MROH1: variants seen among roughly 807,000 people sequenced by gnomAD.
MROH1 encodes the protein maestro heat like repeat family member 1.
In MROH1, 117 loss-of-function variants were observed where a neutral mutation model predicts 116.5. That is an observed-to-expected ratio of 1.00 (90% CI 0.86 to 1.17). The LOEUF is 1.17. MROH1 is among the 50% of genes most tolerant of loss of function. MROH1 has a pLI of 0.00. For synonymous variants in MROH1, 921 were observed against 583.9 expected (o/e 1.58, Z -8.32); for missense variants, 1,873 against 1,338.5 (o/e 1.40, Z -6.23).
chr8:144,175,915 G>A (rs1482525089), intron 4 of MROH1, among the ~76,000 whole-genome samples: 3 of 152,200 alleles, frequency 2.0e-5, no homozygotes, highest in African/African-American at 7.2e-5. Context: ...CAGGCGTGGT[G>A]GCACGCGCCT....
At chr8:144,232,534 C>G (rs1170865108) in intron 14 of MROH1, among the ~76,000 whole-genome samples, 1 of 151,270 alleles carries the variant, frequency 6.6e-6, no homozygotes, top group Non-Finnish European at 1.5e-5. Flanking sequence ...TGCTCTGTCC[C>G]CCGGGCTGGA....
At chr8:144,190,669 G>T in intron 7 of MROH1, 115 bp from the exon 8 acceptor site, 1 of 1,281,436 alleles carries the variant, frequency 7.8e-7, no homozygotes, top group Non-Finnish European at 1.1e-6. Flanking sequence ...TGGTGTTCTA[G>T]GGAGGGCATC....
At chr8:144,211,513 C>A (rs527697882) in intron 12 of MROH1, among the ~76,000 whole-genome samples, 1 of 152,106 alleles carries the variant, frequency 6.6e-6, no homozygotes, top group African/African-American at 2.4e-5. Context: ...ATCACGAGGT[C>A]AGGAGTTCAA....
intron 34 of MROH1, among the ~76,000 whole-genome samples, chr8:144,255,188 A>G (rs1214660119): frequency 1.3e-5 from 2 of 152,242 alleles, no homozygotes; most frequent in Admixed American, 1.3e-4. Flanking sequence ...TCCTGCGGAA[A>G]AAAAATAAAC....
chr8:144,234,498 G>GTTTTTGTTT (rs1839621583), intron 14 of MROH1, among the ~76,000 whole-genome samples: 1 of 18,090 alleles, frequency 5.5e-5, no homozygotes. Flanking sequence ...TTTCTTTTTC[G>GTTTTTGTTT]TTTTTTTTTT....
chr8:144,178,987 A>T (rs1406672155), intron 4 of MROH1, among the ~76,000 whole-genome samples: 3 of 151,990 alleles, frequency 2.0e-5, no homozygotes, highest in Non-Finnish European at 4.4e-5. Context: ...GCGTGGCAGA[A>T]GGTGGTGTGG....
chr8:144,255,858 GGCTGA>G (rs1430234689), intron 35 of MROH1, among the ~76,000 whole-genome samples, 153 bp downstream of exon 35: 3 of 152,362 alleles, frequency 2.0e-5, no homozygotes, highest in African/African-American at 2.4e-5. Context: ...CCAGGTGCAG[GGCTGA>G]GCTGTCAGTG....
At chr8:144,203,972 T>G (rs1224134357) in intron 12 of MROH1, among the ~76,000 whole-genome samples, 1 of 152,252 alleles carries the variant, frequency 6.6e-6, no homozygotes, top group East Asian at 1.9e-4. Context: ...CTTGAAGTTC[T>G]TTCTCTGTGC....
intron 14 of MROH1, among the ~76,000 whole-genome samples, chr8:144,234,497 C>CTTTTTTTTTTTT (rs1554823930): frequency 4.8e-5 from 1 of 20,630 alleles, no homozygotes; most frequent in Non-Finnish European, 1.1e-4. Flanking sequence ...CTTTCTTTTT[C>CTTTTTTTTTTTT]GTTTTTTTTT....
At position 144,180,259 on chromosome 8, in the gene MROH1, G is replaced by A. The variant is rs1439283326; in HGVS notation, c.382G>A (p.Glu128Lys). ...GRQFISKVME[E>K]LLRRLHPGTL... ...ACAGTTCATCAGCAAGGTGATGGAG[G>A]AGCTGCTGCGCAGGCTGCACCCTGG... The change falls in exon 6 of 44, where the codon GAG (glutamate) becomes AAG (lysine). Residue 128 changes from glutamate (E) to lysine (K), a missense_variant. Glu to Lys is a moderately conservative substitution (Grantham distance 56). Transcript: ENST00000326134. The surrounding 1 kb of genome is among the most constrained non-coding windows in gnomAD (Gnocchi z 7.4). The A allele has an allele frequency of 6.2e-7, 1 of 1,612,220 alleles. No homozygotes were observed. The highest frequency in any genetic ancestry group is 8.5e-7 in the Non-Finnish European group (1 of 1,179,806).
intron 10 of MROH1, among the ~76,000 whole-genome samples, chr8:144,197,043 C>T (rs1205354874): frequency 4.6e-5 from 7 of 152,020 alleles, no homozygotes; most frequent in Non-Finnish European, 7.4e-5. Flanking sequence ...TGCAGTGAGC[C>T]GAGATCGCGC....
In MROH1 at chr8:144,163,418, C is replaced by T. The variant is rs1358796222; in HGVS notation, c.-56-353C>T. ...TGTGATGTGTGAAAGCTGTGGTGCC[C>T]GTGCTCAGTTCCTCACAGTGTGGAG... On this transcript the variant is annotated intron_variant, in intron 2 of 43. Transcript: ENST00000326134. This position sits in a 1 kb window ranked among gnomAD's most constrained non-coding sequence, Gnocchi z 4.4. Among the ~76,000 whole-genome samples, 1 of 152,140 alleles carries T rather than the reference C, an allele frequency of 6.6e-6. No homozygotes were observed. The highest frequency in any genetic ancestry group is 2.4e-5 in the African/African-American group (1 of 41,422).
At chr8:144,186,663 T>C (rs184595121) in intron 7 of MROH1, among the ~76,000 whole-genome samples, 1 of 152,322 alleles carries the variant, frequency 6.6e-6, no homozygotes, top group African/African-American at 2.4e-5. Flanking sequence ...TTGCCTGGCA[T>C]AGGGGCTGGC....
intron 14 of MROH1, among the ~76,000 whole-genome samples, chr8:144,236,106 G>A (rs1839993335): frequency 6.6e-6 from 1 of 152,162 alleles, no homozygotes. Flanking sequence ...TGGCTGCTGT[G>A]CCCTGTTAGC....
chr8:144,191,931 T>G, intron 9 of MROH1, 76 bp downstream of exon 9: 8 of 1,553,626 alleles, frequency 5.1e-6, no homozygotes, highest in Non-Finnish European at 7.0e-6. Flanking sequence ...CCGTGAGTCC[T>G]CGGCTAGGGC....
rs1266643585 is a variant in MROH1, at chr8:144,191,846, C to T, written c.846C>T (p.Tyr282=). 1.2e-6 allele frequency: 2 copies of T among 1,613,472 alleles called. No homozygotes were observed. The highest frequency in any genetic ancestry group is 1.6e-4 in the Middle Eastern group (1 of 6,062). Reference sequence around the variant, plus strand: ...ACAAGAAGCACGCAGAGACCTTCTACTTGTCCAAGGTATCTGCAGGCAGGG... The same window carrying T: ...ACAAGAAGCACGCAGAGACCTTCTATTTGTCCAAGGTATCTGCAGGCAGGG... The part of the protein sequence containing the change: ...ALYKKHAETF[Y]LSKSLGQILE... Residue 282 remains tyrosine (Y), a synonymous_variant, in exon 9 of 44, where the codon TAC becomes TAT. Transcript: ENST00000326134.
At chr8:144,156,763 G>T (rs1587723956) in intron 1 of MROH1, among the ~76,000 whole-genome samples, 1 of 133,908 alleles carries the variant, frequency 7.5e-6, no homozygotes, top group Non-Finnish European at 1.6e-5. Flanking sequence ...AAGGAATATT[G>T]CTTTGTAGTT....
chr8:144,163,413 G>T lies in MROH1; in HGVS notation c.-56-358G>T, dbSNP rs1820034309. On this transcript the variant is annotated intron_variant, in intron 2 of 43. Transcript: ENST00000326134. The surrounding 1 kb of genome is among the most constrained non-coding windows in gnomAD (Gnocchi z 4.4). ...TGGCATGTGATGTGTGAAAGCTGTG[G>T]TGCCCGTGCTCAGTTCCTCACAGTG... is the stretch of plus-strand genomic sequence containing the variant. Among the ~76,000 whole-genome samples, 2 of 152,182 alleles carry T rather than the reference G, an allele frequency of 1.3e-5. No individual in the cohort carries two copies. The highest frequency in any genetic ancestry group is 2.9e-5 in the Non-Finnish European group (2 of 68,022).
intron 29 of MROH1, among the ~76,000 whole-genome samples, chr8:144,246,460 C>T (rs1322754577): frequency 1.5e-4 from 23 of 152,136 alleles, no homozygotes; most frequent in African/African-American, 5.3e-4. Flanking sequence ...GGTCAAATCT[C>T]GTGTGTTCAG....
Sources: allele counts gnomAD v4.1 joint callset (sites outside exome capture counted in the v4.1 genomes callset), GRCh38; gene constraint gnomAD v4.1.1; non-coding constraint Gnocchi (gnomAD v3.1); transcripts MANE v1.5; gene names NCBI Gene and HGNC (gene_info 2026-07-23, HGNC 2026-07-21).